Variants in MACROD2 observed in about 807,000 individuals in gnomAD.
The protein encoded by MACROD2 is mono-ADP ribosylhydrolase 2.
MACROD2 carries 36 observed loss-of-function variants against 70.4 expected under a neutral mutation model. The observed-to-expected ratio is 0.51, with a 90% CI of 0.39 to 0.68. MACROD2 has a LOEUF of 0.68. Ranked by LOEUF, MACROD2 falls within the 30% of genes least tolerant of loss-of-function variation. The pLI, the probability that MACROD2 is intolerant of heterozygous loss-of-function variation, is 0.00. For synonymous variants in MACROD2, 172 were observed against 178.8 expected, an observed-to-expected ratio of 0.96 and a Z score of 0.30; for missense variants, 496 against 538.4, an observed-to-expected ratio of 0.92 and a Z score of 0.78.
intron 3 of MACROD2, among the ~76,000 whole-genome samples, chr20:14,341,938 G>A (rs2083017260): frequency 1.3e-5 from 2 of 152,332 alleles, no homozygotes; most frequent in South Asian, 4.1e-4. Flanking sequence ...ACCTTTGGCA[G>A]CTCTGGGATT....
chr20:14,979,150 G>C (rs961222345), intron 5 of MACROD2, among the ~76,000 whole-genome samples: 8 of 150,878 alleles, frequency 5.3e-5, no homozygotes, highest in Non-Finnish European at 1.0e-4. Flanking sequence ...TGTAGAGACA[G>C]GGTCTCACTG....
At chr20:14,263,925 T>C (rs148274348) in intron 3 of MACROD2, among the ~76,000 whole-genome samples, 4 of 144,410 alleles carry the variant, frequency 2.8e-5, no homozygotes, top group African/African-American at 1.0e-4. Context: ...TAAGCCATGA[T>C]TGTACCACTT....
intron 5 of MACROD2, among the ~76,000 whole-genome samples, chr20:14,838,889 T>C (rs1036580058): frequency 6.6e-6 from 1 of 152,104 alleles, no homozygotes; most frequent in Non-Finnish European, 1.5e-5. Context: ...AACTGTCCTT[T>C]ATGACACACA....
At chr20:15,318,305 T>G (rs1216081602) in intron 6 of MACROD2, among the ~76,000 whole-genome samples, 1 of 152,080 alleles carries the variant, frequency 6.6e-6, no homozygotes, top group Non-Finnish European at 1.5e-5. Flanking sequence ...TTTGAACAGA[T>G]TTATATAACA....
chr20:15,197,886 G>A (rs1176475315), intron 5 of MACROD2, among the ~76,000 whole-genome samples: 3 of 151,026 alleles, frequency 2.0e-5, no homozygotes, highest in South Asian at 2.1e-4. Context: ...TTGTAGAGAC[G>A]GGTTTTTGCC....
At chr20:14,021,480 A>G (rs976457639) in intron 2 of MACROD2, among the ~76,000 whole-genome samples, 1 of 152,158 alleles carries the variant, frequency 6.6e-6, no homozygotes, top group Non-Finnish European at 1.5e-5. Context: ...TCAGGCCTTT[A>G]GGTATCCCCC....
chr20:15,928,042 G>A (rs145694350), intron 10 of MACROD2, among the ~76,000 whole-genome samples: 76 of 152,310 alleles, frequency 5.0e-4, no homozygotes, highest in African/African-American at 1.8e-3. Context: ...TTGAAAAGTG[G>A]CGAAACACAG....
intron 8 of MACROD2, among the ~76,000 whole-genome samples, chr20:15,591,930 A>C (rs1310914159): frequency 6.6e-6 from 1 of 152,222 alleles, no homozygotes. Flanking sequence ...TATGCGTTAT[A>C]AAACACTTAG....
intron 6 of MACROD2, among the ~76,000 whole-genome samples, chr20:15,353,677 A>C (rs1389213201): frequency 1.3e-5 from 2 of 149,088 alleles, no homozygotes; most frequent in Admixed American, 6.8e-5. Flanking sequence ...ACCCCATCAA[A>C]AAGTGGGCAA....
chr20:14,708,762 T>A (rs2071301435), intron 5 of MACROD2, among the ~76,000 whole-genome samples: 1 of 151,938 alleles, frequency 6.6e-6, no homozygotes, highest in Non-Finnish European at 1.5e-5. Flanking sequence ...GGATTACAGG[T>A]GCCCGCCACC....
intron 5 of MACROD2, among the ~76,000 whole-genome samples, chr20:15,133,452 CAT>C (rs1285287941): frequency 2.6e-5 from 4 of 151,974 alleles, no homozygotes; most frequent in African/African-American, 9.7e-5. Flanking sequence ...AAGAAAAACA[CAT>C]AAATATAAAT....
intron 8 of MACROD2, among the ~76,000 whole-genome samples, chr20:15,745,824 C>A (rs1568537648): frequency 1.3e-5 from 2 of 152,114 alleles, no homozygotes; most frequent in Non-Finnish European, 2.9e-5. Context: ...CTTTCCCCAT[C>A]AGCTTCTGTG....
chr20:15,049,812 G>A (rs538665168), intron 5 of MACROD2, among the ~76,000 whole-genome samples: 58 of 152,210 alleles, frequency 3.8e-4, no homozygotes, highest in African/African-American at 1.3e-3. Context: ...GCTGGGCATG[G>A]TGGCAGGCAC....
chr20:14,062,978 A>G (rs2053707367), intron 2 of MACROD2, among the ~76,000 whole-genome samples: 1 of 152,124 alleles, frequency 6.6e-6, no homozygotes, highest in Non-Finnish European at 1.5e-5. Context: ...CCTCAGCCCT[A>G]CTGGTGAAAC....
At chr20:15,898,683 TGTTGTTCTTGAGTCTAGGTTACCTGGG>T (rs2065013910) in intron 10 of MACROD2, among the ~76,000 whole-genome samples, 1 of 151,838 alleles carries the variant, frequency 6.6e-6, no homozygotes, top group Admixed American at 6.6e-5. Context: ...ACTTGAGAAC[TGTTGTTCTTGAGTCTAGGTTACCTGGG>T]GTTGGCAGAT....
At chr20:14,469,395 G>A (rs963573828) in intron 3 of MACROD2, among the ~76,000 whole-genome samples, 3 of 151,812 alleles carry the variant, frequency 2.0e-5, no homozygotes, top group African/African-American at 4.8e-5. Context: ...TGAATCTGAC[G>A]ATTACGTGTC....
intron 9 of MACROD2, among the ~76,000 whole-genome samples, chr20:15,880,288 A>G (rs2064735868): frequency 6.6e-6 from 1 of 152,054 alleles, no homozygotes; most frequent in Non-Finnish European, 1.5e-5. Flanking sequence ...GGCCATTCAT[A>G]GCTAGTTTTA....
intron 8 of MACROD2, among the ~76,000 whole-genome samples, chr20:15,603,781 A>G (rs1214298084): frequency 6.6e-6 from 1 of 152,230 alleles, no homozygotes; most frequent in Non-Finnish European, 1.5e-5. Flanking sequence ...CACTGAAGCC[A>G]GCAAAGATTA....
intron 5 of MACROD2, among the ~76,000 whole-genome samples, chr20:15,179,371 A>G (rs569970754): frequency 3.3e-5 from 5 of 152,258 alleles, no homozygotes; most frequent in Non-Finnish European, 7.4e-5. Context: ...TGGATTGCCT[A>G]GTTAACAAGC....
Sources: gnomAD v4.1 joint callset for allele counts (sites outside exome capture counted in the v4.1 genomes callset) on GRCh38, gnomAD v4.1.1 for gene constraint, MANE v1.5 for transcripts, NCBI Gene and HGNC (gene_info 2026-07-23, HGNC 2026-07-21) for gene names.